SLIT3: variants seen among roughly 807,000 people sequenced by gnomAD.
SLIT3 encodes the protein slit homolog 3 protein.
SLIT3 carries 68 observed loss-of-function variants against 184.0 expected under a neutral mutation model. The observed-to-expected ratio is 0.37, with a 90% CI of 0.30 to 0.45. The LOEUF (loss-of-function observed/expected upper bound fraction) is 0.45. Ranked by LOEUF, SLIT3 falls within the 20% of genes least tolerant of loss-of-function variation. The pLI is 1.00. For synonymous variants in SLIT3, 831 were observed against 828.6 expected (o/e 1.00, Z -0.05); for missense variants, 1,707 against 2,026.0 (o/e 0.84, Z 3.02).
At chr5:169,264,822 C>T (rs575945819) in intron 1 of SLIT3, among the ~76,000 whole-genome samples, 11 of 152,294 alleles carry the variant, frequency 7.2e-5, no homozygotes, top group South Asian at 2.1e-4. Context: ...AAAACATACA[C>T]GCATTTGGGA....
chr5:168,869,231 C>T (rs926160717), intron 5 of SLIT3, among the ~76,000 whole-genome samples: 3 of 152,218 alleles, frequency 2.0e-5, no homozygotes, highest in African/African-American at 7.2e-5. Flanking sequence ...TTTTGCCTTT[C>T]ATTAAATACT....
Position 168,684,045 on chromosome 5 carries a change from G to A in SLIT3, c.3607C>T (p.Pro1203Ser), listed in dbSNP as rs780423315. The A allele has an allele frequency of 1.2e-6, 2 of 1,607,704 alleles. No homozygotes were observed. Among genetic ancestry groups the A allele is most frequent in the South Asian group, 1.1e-5 (1 of 90,024 alleles). The change falls in exon 32 of 36, where the codon CCC (proline) becomes TCC (serine). Residue 1203 changes from proline (P) to serine (S), a missense_variant. By Grantham distance (74) the Pro-to-Ser change is moderately conservative. Around this residue, in one of 3 missense-constraint regions of SLIT3, gnomAD observed 387 missense variants for 477.9 expected, o/e 0.81. Coordinates refer to ENST00000519560, the MANE Select transcript of SLIT3 (RefSeq NM_003062.4). ...GILLYKGDND[P>S]LALELYQGHV... ...CCCTGGTACAGCTCCAGTGCCAGGGGGTCATTGTCTCCTTTGTAGAGAAGG... is the reference window on the plus strand; with the variant it reads ...CCCTGGTACAGCTCCAGTGCCAGGGAGTCATTGTCTCCTTTGTAGAGAAGG...
In SLIT3 at chr5:168,944,361, C is replaced by T. The variant is rs112428650; in HGVS notation, c.414-61025G>A. ...GAGTCAGCCACTCCTGGTAGACAAT[C>T]TGTCTCTCTTAATAGGCTGCTCCTT... On this transcript the variant is annotated intron_variant, in intron 4 of 35. Transcript: ENST00000519560. 6.0e-3 allele frequency among the ~76,000 whole-genome samples: 917 copies of T among 152,274 alleles called. 9 individuals carry two copies. The highest frequency in any genetic ancestry group is 0.02 in the African/African-American group (821 of 41,560).
chr5:168,923,129 A>G (rs1242806739), intron 4 of SLIT3, among the ~76,000 whole-genome samples: 2 of 152,182 alleles, frequency 1.3e-5, no homozygotes, highest in Non-Finnish European at 2.9e-5. Context: ...GACTGGGGCA[A>G]TGACAGGTGA....
intron 1 of SLIT3, among the ~76,000 whole-genome samples, chr5:169,289,890 C>G (rs1767283677): frequency 6.6e-6 from 1 of 152,184 alleles, no homozygotes; most frequent in Admixed American, 6.5e-5. Context: ...CACTAGGGCA[C>G]ACACTAGGGC....
intron 20 of SLIT3, among the ~76,000 whole-genome samples, chr5:168,739,448 A>T (rs1446057541): frequency 2.7e-5 from 4 of 148,538 alleles, no homozygotes; most frequent in African/African-American, 9.9e-5. Flanking sequence ...TTTGAGATAG[A>T]GTCTCACTCT....
chr5:168,989,466 C>T (rs1755242796), intron 4 of SLIT3, among the ~76,000 whole-genome samples: 1 of 152,206 alleles, frequency 6.6e-6, no homozygotes, highest in Non-Finnish European at 1.5e-5. Flanking sequence ...CCACACTTGT[C>T]TCGCTCTTTG....
intron 5 of SLIT3, among the ~76,000 whole-genome samples, chr5:168,876,004 C>T (rs1253380315): frequency 6.6e-6 from 1 of 152,062 alleles, no homozygotes; most frequent in Non-Finnish European, 1.5e-5. Context: ...CATGGCCTTG[C>T]CTCGGATGAG....
intron 4 of SLIT3, among the ~76,000 whole-genome samples, chr5:169,015,028 G>A: frequency 6.6e-6 from 1 of 151,984 alleles, no homozygotes; most frequent in East Asian, 1.9e-4. Context: ...ACTTGCAGGA[G>A]GGCAAAAAGC....
intron 4 of SLIT3, among the ~76,000 whole-genome samples, chr5:169,128,585 C>A (rs989030684): frequency 6.6e-6 from 1 of 152,052 alleles, no homozygotes; most frequent in Non-Finnish European, 1.5e-5. Context: ...CCCAACACCA[C>A]GCCTGGCTAA....
At chr5:168,924,391 C>T (rs1761740060) in intron 4 of SLIT3, among the ~76,000 whole-genome samples, 1 of 152,194 alleles carries the variant, frequency 6.6e-6, no homozygotes, top group Admixed American at 6.5e-5. Context: ...CACTCCTCCC[C>T]TCTCAAACCC....
chr5:168,968,424 C>T (rs780118026), intron 4 of SLIT3, among the ~76,000 whole-genome samples: 4 of 152,216 alleles, frequency 2.6e-5, no homozygotes, highest in Admixed American at 2.0e-4. Flanking sequence ...GTCACCTTGG[C>T]AGACACCACT....
At chr5:169,151,701 C>T (rs1762122487) in intron 4 of SLIT3, among the ~76,000 whole-genome samples, 2 of 152,226 alleles carry the variant, frequency 1.3e-5, no homozygotes, top group East Asian at 1.9e-4. Flanking sequence ...AGCCAGAGAG[C>T]CCAGCCCTGT....
intron 5 of SLIT3, among the ~76,000 whole-genome samples, chr5:168,876,093 G>A (rs565272611): frequency 8.7e-4 from 132 of 152,186 alleles, no homozygotes; most frequent in African/African-American, 3.2e-3. Flanking sequence ...CGTCAGAGCC[G>A]GCTTGCACTG....
chr5:169,108,496 C>T (rs1305235239), intron 4 of SLIT3, among the ~76,000 whole-genome samples: 1 of 152,200 alleles, frequency 6.6e-6, no homozygotes, highest in Non-Finnish European at 1.5e-5. Context: ...AAGGTAGAGG[C>T]AGATGAAGGG....
chr5:169,187,359 C>T (rs1286705929), intron 4 of SLIT3, among the ~76,000 whole-genome samples: 1 of 151,910 alleles, frequency 6.6e-6, no homozygotes, highest in Non-Finnish European at 1.5e-5. Flanking sequence ...CATCCGCCCA[C>T]CTTGGCCTTC....
chr5:168,934,727 T>C (rs1054654475), intron 4 of SLIT3, among the ~76,000 whole-genome samples: 2 of 152,094 alleles, frequency 1.3e-5, no homozygotes, highest in African/African-American at 4.8e-5. Flanking sequence ...AGAGGGTCTA[T>C]TTTGGGAATT....
intron 9 of SLIT3, among the ~76,000 whole-genome samples, chr5:168,803,712 G>A (rs1394818115): frequency 1.3e-5 from 2 of 152,160 alleles, no homozygotes; most frequent in African/African-American, 2.4e-5. Context: ...CTAGCCGAGG[G>A]ACGGTCTATG....
In SLIT3 at chr5:169,137,331, C is replaced by CAGAGAGAGAGAGAGAG. The variant is rs766822479; in HGVS notation, c.413+56147_413+56148insCTCTCTCTCTCTCTCT. Among the ~76,000 whole-genome samples, 341 of 132,058 alleles carry CAGAGAGAGAGAGAGAG rather than the reference C, an allele frequency of 2.6e-3. 3 individuals are homozygous for CAGAGAGAGAGAGAGAG. The highest frequency in any genetic ancestry group is 6.9e-3 in the South Asian group (26 of 3,756). 86.6% of individuals were successfully genotyped at this position (132,058 alleles called of 152,430 possible). ...ACACACACACACACACACACACACA[C>CAGAGAGAGAGAGAGAG]ACACAGAGAGAGAGAGAGAGAGAGA... On this transcript the variant is annotated intron_variant, in intron 4 of 35. Coordinates refer to ENST00000519560, the MANE Select transcript of SLIT3 (RefSeq NM_003062.4).
Sources: gnomAD v4.1 joint callset for allele counts (sites outside exome capture counted in the v4.1 genomes callset) on GRCh38, gnomAD v4.1.1 for gene constraint, gnomAD v4.1.1 regional missense constraint, MANE v1.5 for transcripts, NCBI Gene and HGNC (gene_info 2026-07-23, HGNC 2026-07-21) for gene names.